Variants in FMN2 observed in about 807,000 individuals in gnomAD.
The protein encoded by FMN2 is formin-2.
FMN2 carries 51 observed loss-of-function variants against 142.3 expected under a neutral mutation model. The ratio of observed to expected loss-of-function variants is 0.36; its 90% CI spans 0.29 to 0.45. FMN2 has a LOEUF of 0.45. Among genes scored for constraint, FMN2 ranks in the 20% least tolerant of loss-of-function variants. FMN2 has a pLI of 1.00. For missense variants in FMN2, 1,936 were observed against 2,122.8 expected, an observed-to-expected ratio of 0.91 and a Z score of 1.73; for synonymous variants, 882 against 869.8, an observed-to-expected ratio of 1.01 and a Z score of -0.25.
intron 15 of FMN2, among the ~76,000 whole-genome samples, chr1:240,400,031 T>C (rs967118839): frequency 2.6e-5 from 4 of 152,184 alleles, no homozygotes; most frequent in Non-Finnish European, 5.9e-5. Context: ...TCTGAAAGAA[T>C]AGAGGTCTAG....
At chr1:240,325,890 G>A (rs987722387) in intron 8 of FMN2, among the ~76,000 whole-genome samples, 2 of 152,150 alleles carry the variant, frequency 1.3e-5, no homozygotes, top group African/African-American at 4.8e-5. Flanking sequence ...CTTTGTTGAG[G>A]CGTGAGCTAT....
Position 240,474,285 on chromosome 1 carries a change from T to C in FMN2, c.*131T>C. ...TGACCTCTTGCATAATCTTTTTGTT[T>C]TCTAGACAGTTCACTAATTGTTGAA... On this transcript the variant is annotated 3_prime_UTR_variant, in exon 18 of 18. Transcript: ENST00000319653. The C allele has an allele frequency of 1.3e-6, 1 of 786,608 alleles. No homozygotes were observed. Among genetic ancestry groups the C allele is most frequent in the African/African-American group, 1.8e-5 (1 of 54,620 alleles). 48.7% of individuals were successfully genotyped at this position (786,608 alleles called of 1,614,324 possible). A position where few individuals can be genotyped will look rare whatever the true frequency, so the allele number is the denominator to read the frequency against.
In FMN2 at chr1:240,397,111, C is replaced by G. The variant is rs144382198; in HGVS notation, c.4910+4549C>G. On this transcript the variant is annotated intron_variant, in intron 15 of 17. Transcript: ENST00000319653. The stretch of plus-strand genomic sequence containing the variant: ...CATTCCCTTTCCTGCACAGCCTCGC[C>G]AACATCTGTTACGTTTTGACTTTAA... Among the ~76,000 whole-genome samples the G allele has an allele frequency of 4.3e-3, 656 of 152,312 alleles. 6 individuals are homozygous for G. The highest frequency in any genetic ancestry group is 0.015 in the African/African-American group (617 of 41,566).
intron 15 of FMN2, among the ~76,000 whole-genome samples, chr1:240,416,241 C>T (rs1450165213): frequency 6.7e-6 from 1 of 149,644 alleles, no homozygotes; most frequent in South Asian, 2.1e-4. Flanking sequence ...CAATTCCTTG[C>T]CTGTACATTC....
At chr1:240,319,746 G>A (rs1362795186) in intron 8 of FMN2, among the ~76,000 whole-genome samples, 1 of 152,058 alleles carries the variant, frequency 6.6e-6, no homozygotes, top group Admixed American at 6.6e-5. Flanking sequence ...TATAAGTGTG[G>A]AGCCACTTTG....
rs527301926 is a variant in FMN2, at chr1:240,473,737, G to A, written c.5143-391G>A. 6.6e-6 allele frequency among the ~76,000 whole-genome samples: 1 copy of A among 152,218 alleles called. No individual in the cohort carries two copies. Among genetic ancestry groups the A allele is most frequent in the Non-Finnish European group, 1.5e-5 (1 of 68,012 alleles). The stretch of plus-strand genomic sequence containing the variant: ...AATGTGGAGGAATAGTTACTTATTA[G>A]TGAACCTCAATCTTGCTATTATGAG... On this transcript the variant is annotated intron_variant, in intron 17 of 17. Transcript: ENST00000319653. The surrounding 1 kb of genome is among the most constrained non-coding windows in gnomAD (Gnocchi z 4.3).
At chr1:240,340,473 C>T (rs1406134665) in intron 13 of FMN2, among the ~76,000 whole-genome samples, 1 of 151,902 alleles carries the variant, frequency 6.6e-6, no homozygotes, top group South Asian at 2.1e-4. Flanking sequence ...CCCAGCTACT[C>T]GGGAGGCTGA....
chr1:240,321,808 T>C (rs937590343), intron 8 of FMN2, among the ~76,000 whole-genome samples: 1 of 152,048 alleles, frequency 6.6e-6, no homozygotes, highest in Non-Finnish European at 1.5e-5. Context: ...GCGACTCCTC[T>C]AATTTAAAGA....
intron 1 of FMN2, among the ~76,000 whole-genome samples, chr1:240,104,935 G>A (rs148176708): frequency 6.6e-6 from 1 of 152,052 alleles, no homozygotes; most frequent in African/African-American, 2.4e-5. Context: ...GTACTTCTCG[G>A]CCACCAGAGA....
chr1:240,212,168 T>C (rs557779720), intron 6 of FMN2, among the ~76,000 whole-genome samples: 1 of 152,306 alleles, frequency 6.6e-6, no homozygotes, highest in East Asian at 1.9e-4. Flanking sequence ...ATTCCTCGAA[T>C]TTGTGCCTCT....
chr1:240,400,514 A>C (rs1673940641), intron 15 of FMN2, among the ~76,000 whole-genome samples: 1 of 152,198 alleles, frequency 6.6e-6, no homozygotes, highest in East Asian at 1.9e-4. Context: ...AAGCAGGCAG[A>C]AACATTTCTG....
At chr1:240,147,034 G>T (rs910659331) in intron 2 of FMN2, among the ~76,000 whole-genome samples, 1 of 152,154 alleles carries the variant, frequency 6.6e-6, no homozygotes, top group Admixed American at 6.5e-5. Context: ...AGTCTATTTG[G>T]TTTTTTCAGT....
At chr1:240,204,599 A>C (rs574662838) in intron 4 of FMN2, among the ~76,000 whole-genome samples, 7 of 152,192 alleles carry the variant, frequency 4.6e-5, no homozygotes, top group Non-Finnish European at 7.3e-5. Context: ...AAAAATACAA[A>C]AATTAGCCGG....
chr1:240,253,718 C>T (rs558733512), intron 6 of FMN2, among the ~76,000 whole-genome samples: 12 of 152,304 alleles, frequency 7.9e-5, no homozygotes, highest in African/African-American at 2.6e-4. Context: ...ATAACAGTCA[C>T]TTATTCCAAC....
intron 6 of FMN2, among the ~76,000 whole-genome samples, chr1:240,213,033 A>G (rs146963287): frequency 1.1e-3 from 165 of 152,168 alleles, no homozygotes; most frequent in African/African-American, 3.9e-3. Context: ...AGACTGTAGG[A>G]TTTCATTCTC....
intron 14 of FMN2, among the ~76,000 whole-genome samples, chr1:240,363,815 C>G (rs1672571131): frequency 6.6e-6 from 1 of 152,200 alleles, no homozygotes; most frequent in East Asian, 1.9e-4. Flanking sequence ...ACCCCTTTGT[C>G]CCCTCTGCCC....
intron 4 of FMN2, among the ~76,000 whole-genome samples, chr1:240,192,089 G>T (rs1281608502): frequency 6.6e-6 from 1 of 152,250 alleles, no homozygotes. Context: ...CAGCCCTACC[G>T]AGTCCCCTCA....
At position 240,206,912 on chromosome 1, in the gene FMN2, G is replaced by A. The variant is rs145252718; in HGVS notation, c.2100G>A (p.Leu700=). 109 of 1,614,196 alleles carry A rather than the reference G, an allele frequency of 6.8e-5. No homozygotes were observed. The East Asian group carries it at 2.4e-3, about 35-fold the overall frequency. ...IAELERQYPA[L]DTEVASGHQG... ...AACTAGAGAGGCAGTATCCTGCCCT[G>A]GACACAGAGGTGGCCAGTGGTCATC... Residue 700 remains leucine (L), a synonymous_variant, in exon 5 of 18, where the codon CTG becomes CTA. Transcript: ENST00000319653.
At chr1:240,123,388 G>A (rs767060368) in intron 2 of FMN2, 43 bp downstream of exon 2, 22 of 1,585,834 alleles carry the variant, frequency 1.4e-5, no homozygotes, top group Non-Finnish European at 1.8e-5. Flanking sequence ...CAGATTTGCT[G>A]TGGAAATAGC....
Sources: allele counts gnomAD v4.1 joint callset (sites outside exome capture counted in the v4.1 genomes callset), GRCh38; gene constraint gnomAD v4.1.1; non-coding constraint Gnocchi (gnomAD v3.1); transcripts MANE v1.5; gene names NCBI Gene and HGNC (gene_info 2026-07-23, HGNC 2026-07-21).